Variants in ANO2 observed in about 807,000 individuals in gnomAD.
ANO2 encodes the protein anoctamin 2.
ANO2 carries 101 observed loss-of-function variants against 124.2 expected under a neutral mutation model. The observed-to-expected ratio is 0.81, with a 90% CI of 0.69 to 0.96. The LOEUF (loss-of-function observed/expected upper bound fraction) is 0.96, where lower values mean the gene tolerates loss of function less well. Ranked by LOEUF, ANO2 falls within the 40% of genes least tolerant of loss-of-function variation. ANO2 has a pLI of 0.00. For missense variants in ANO2, 1,293 were observed against 1,274.5 expected (o/e 1.01, Z -0.22); for synonymous variants, 486 against 482.5 (o/e 1.01, Z -0.09).
intron 4 of ANO2, among the ~76,000 whole-genome samples, chr12:5,846,512 G>A (rs1194901672): frequency 1.3e-5 from 2 of 152,230 alleles, no homozygotes; most frequent in African/African-American, 4.8e-5. Context: ...CCCAGAAGAA[G>A]AGTGTATTAG....
chr12:5,764,486 T>TA lies in ANO2; in HGVS notation c.1056-13517dup, dbSNP rs1353496550. 1.6e-3 allele frequency among the ~76,000 whole-genome samples: 237 copies of TA among 152,310 alleles called. 1 individual carries two copies. The highest frequency in any genetic ancestry group is 5.6e-3 in the African/African-American group (231 of 41,558). ...CACTAACCCAAGGTTGCACAGCTGG[T>TA]AAGATGCAGAGACGAGATTCAAATC... On this transcript the variant is annotated intron_variant, in intron 10 of 24. Transcript: ENST00000682330.
chr12:5,853,342 TAA>T (rs35363284), intron 4 of ANO2, among the ~76,000 whole-genome samples: 3,304 of 145,776 alleles, frequency 0.023, 115 homozygotes, highest in African/African-American at 0.077. Flanking sequence ...TATCCTGGAT[TAA>T]AAAAAAAAAA....
intron 14 of ANO2, among the ~76,000 whole-genome samples, chr12:5,684,373 G>A (rs764760278): frequency 2.0e-5 from 3 of 152,230 alleles, no homozygotes; most frequent in Non-Finnish European, 4.4e-5. Context: ...GCAGGAGAAG[G>A]TCTCTGCCAT....
intron 20 of ANO2, among the ~76,000 whole-genome samples, chr12:5,581,719 T>C (rs3782586): frequency 0.13 from 19,313 of 152,140 alleles, 1,557 homozygotes; most frequent in East Asian, 0.33. Context: ...AGTCTCTATG[T>C]TCAGCACTGG....
chr12:5,824,495 C>G (rs1002165650), intron 7 of ANO2, among the ~76,000 whole-genome samples: 1 of 152,178 alleles, frequency 6.6e-6, no homozygotes, highest in Non-Finnish European at 1.5e-5. Flanking sequence ...CAGTTCCCAA[C>G]AAGTTCCTCC....
At chr12:5,920,862 G>C (rs139631352) in intron 3 of ANO2, among the ~76,000 whole-genome samples, 178 bp downstream of exon 3, 1 of 151,846 alleles carries the variant, frequency 6.6e-6, no homozygotes, top group Non-Finnish European at 1.5e-5. Flanking sequence ...GCAAGACTCC[G>C]TCTCAAAAAA....
chr12:5,871,134 G>T (rs528319482), intron 3 of ANO2, among the ~76,000 whole-genome samples: 1 of 152,226 alleles, frequency 6.6e-6, no homozygotes, highest in African/African-American at 2.4e-5. Context: ...ACAGGAAAAC[G>T]GCCATAGAGA....
chr12:5,822,909 A>T (rs751468864), intron 7 of ANO2, among the ~76,000 whole-genome samples: 2 of 152,200 alleles, frequency 1.3e-5, no homozygotes, highest in Non-Finnish European at 2.9e-5. Context: ...CAGTGGCAAG[A>T]GGGCAAGAGA....
Position 5,619,344 on chromosome 12 carries a change from C to T in ANO2, c.1817-4047G>A, listed in dbSNP as rs746618669. 6.2e-4 allele frequency among the ~76,000 whole-genome samples: 95 copies of T among 152,152 alleles called. 1 individual carries two copies. Among genetic ancestry groups the T allele is most frequent in the Non-Finnish European group, 6.8e-4 (46 of 68,016 alleles). On this transcript the variant is annotated intron_variant, in intron 16 of 24. Transcript: ENST00000682330. ...GATTTAATAGAAATATAGGTAGACA[C>T]GTACAGATTTTAATATTAAAAATTC...
chr12:5,866,717 G>A (rs1442440868), intron 3 of ANO2, among the ~76,000 whole-genome samples: 1 of 152,216 alleles, frequency 6.6e-6, no homozygotes, highest in African/African-American at 2.4e-5. Context: ...GGGGATCCAG[G>A]GGGCTGAGAC....
chr12:5,847,700 T>C (rs1026891186), intron 4 of ANO2, among the ~76,000 whole-genome samples: 11 of 152,146 alleles, frequency 7.2e-5, no homozygotes, highest in Admixed American at 5.2e-4. Flanking sequence ...TTTCCAATCA[T>C]TTCCAAAGCT....
At chr12:5,663,728 C>T (rs1022712435) in intron 14 of ANO2, among the ~76,000 whole-genome samples, 1 of 152,202 alleles carries the variant, frequency 6.6e-6, no homozygotes, top group African/African-American at 2.4e-5. Context: ...CAGCCCCCTC[C>T]AACTCCCTAG....
chr12:5,724,562 T>C (rs1317785296), intron 14 of ANO2, among the ~76,000 whole-genome samples: 4 of 152,232 alleles, frequency 2.6e-5, no homozygotes, highest in South Asian at 2.1e-4. Context: ...CCAACAATTA[T>C]GCATAATTTA....
chr12:5,694,862 A>T (rs1949104994), intron 14 of ANO2, among the ~76,000 whole-genome samples: 2 of 151,966 alleles, frequency 1.3e-5, no homozygotes, highest in Admixed American at 1.3e-4. Flanking sequence ...TGATGATGCC[A>T]CTTACCGTTT....
chr12:5,798,346 T>C (rs1457092711), intron 10 of ANO2, among the ~76,000 whole-genome samples: 1 of 152,076 alleles, frequency 6.6e-6, no homozygotes, highest in Non-Finnish European at 1.5e-5. Flanking sequence ...CCAAGAGACA[T>C]CCAACCAAGC....
Position 5,844,357 on chromosome 12 carries a change from T to C in ANO2, c.633+9686A>G, listed in dbSNP as rs560770478. Among the ~76,000 whole-genome samples, 5 of 152,228 alleles carry C rather than the reference T, an allele frequency of 3.3e-5. No individual in the cohort carries two copies. The East Asian group carries it at 9.7e-4, about 29-fold the overall frequency. ...TTGGGGACACAGGGCAGTTTCAGAA[T>C]AGGCACCACAGGCAAAGTGTACTAC... On this transcript the variant is annotated intron_variant, in intron 4 of 24. Coordinates refer to ENST00000682330, the MANE Select transcript of ANO2 (RefSeq NM_001364791.2).
intron 14 of ANO2, among the ~76,000 whole-genome samples, chr12:5,659,166 A>G (rs960974791): frequency 2.6e-5 from 4 of 152,146 alleles, no homozygotes; most frequent in African/African-American, 9.6e-5. Flanking sequence ...AGCACCTACT[A>G]TAGCAGCAGA....
intron 23 of ANO2, among the ~76,000 whole-genome samples, chr12:5,567,633 T>G (rs962773): frequency 0.026 from 3,982 of 152,328 alleles, 159 homozygotes; most frequent in African/African-American, 0.086. Flanking sequence ...CTGACCTCAG[T>G]ATGCGAGCCA....
In ANO2 at chr12:5,642,017, G is replaced by C. The variant is rs150750937; in HGVS notation, c.1620+5710C>G. On this transcript the variant is annotated intron_variant, in intron 15 of 24. Coordinates refer to ENST00000682330, the MANE Select transcript of ANO2 (RefSeq NM_001364791.2). ...TGATGATGATGATGACATTGATGAT[G>C]ACACAGATTTTTCTCTCAGGCAGCA... 2.3e-3 allele frequency among the ~76,000 whole-genome samples: 357 copies of C among 152,270 alleles called. 5 individuals carry two copies. The highest frequency in any genetic ancestry group is 8.3e-3 in the African/African-American group (344 of 41,564).
Sources: allele counts gnomAD v4.1 joint callset (sites outside exome capture counted in the v4.1 genomes callset), GRCh38; gene constraint gnomAD v4.1.1; transcripts MANE v1.5; gene names NCBI Gene and HGNC (gene_info 2026-07-23, HGNC 2026-07-21).